Variants in INVS observed in about 807,000 individuals in gnomAD.
INVS encodes inversion of embryo turning homolog.
A neutral mutation model predicts 108.8 loss-of-function variants in INVS; 86 were observed. The ratio of observed to expected loss-of-function variants is 0.79; its 90% confidence interval spans 0.66 to 0.95. INVS has a LOEUF of 0.95. Ranked by LOEUF, INVS falls within the 40% of genes least tolerant of loss-of-function variation. The pLI, the probability that INVS is intolerant of heterozygous loss-of-function variation, is 0.00. For synonymous variants in INVS, 455 were observed against 473.5 expected, an observed-to-expected ratio of 0.96 and a Z score of 0.51; for missense variants, 1,169 against 1,297.4, an observed-to-expected ratio of 0.90 and a Z score of 1.52.
chr9:100,174,103 C>A (rs1046749756), intron 3 of INVS, among the ~76,000 whole-genome samples: 3 of 152,192 alleles, frequency 2.0e-5, no homozygotes, highest in African/African-American at 7.2e-5. Context: ...GTGTTCCATA[C>A]TCATGAGAAA....
intron 16 of INVS, among the ~76,000 whole-genome samples, chr9:100,299,716 C>T (rs948326248): frequency 8.6e-5 from 13 of 150,376 alleles, no homozygotes; most frequent in Admixed American, 2.0e-4. Context: ...AAGAAAAGAA[C>T]TCCCTTTAAA....
intron 2 of INVS, among the ~76,000 whole-genome samples, chr9:100,108,855 A>G (rs1465712624): frequency 1.3e-5 from 2 of 152,224 alleles, no homozygotes; most frequent in Non-Finnish European, 2.9e-5. Context: ...TGAATGAAAC[A>G]TCATTTCAGT....
chr9:100,155,760 T>G (rs570524430), intron 3 of INVS, among the ~76,000 whole-genome samples: 3 of 152,252 alleles, frequency 2.0e-5, no homozygotes, highest in Non-Finnish European at 4.4e-5. Context: ...GTAATAATAC[T>G]GTTACTGTTA....
intron 3 of INVS, among the ~76,000 whole-genome samples, chr9:100,182,569 CACA>C (rs905500940): frequency 6.6e-5 from 10 of 152,020 alleles, no homozygotes; most frequent in African/African-American, 2.4e-4. Context: ...AAATTAAAAC[CACA>C]ACGAGATACC....
chr9:100,181,881 G>GT (rs1322563673), intron 3 of INVS, among the ~76,000 whole-genome samples: 2 of 152,128 alleles, frequency 1.3e-5, no homozygotes, highest in Admixed American at 1.3e-4. Flanking sequence ...CAAGCCTACA[G>GT]TAACCAAAAC....
chr9:100,142,197 C>G (rs1828454515), intron 3 of INVS, among the ~76,000 whole-genome samples: 1 of 152,126 alleles, frequency 6.6e-6, no homozygotes, highest in Non-Finnish European at 1.5e-5. Context: ...ATAGAGGACC[C>G]TTGTTTAGTG....
At chr9:100,236,848 T>C (rs893389660) in intron 5 of INVS, among the ~76,000 whole-genome samples, 1 of 152,174 alleles carries the variant, frequency 6.6e-6, no homozygotes, top group Non-Finnish European at 1.5e-5. Flanking sequence ...AGGGACCCAC[T>C]TGGGGAGGCA....
At chr9:100,141,946 A>C (rs1030266131) in intron 3 of INVS, among the ~76,000 whole-genome samples, 2 of 152,266 alleles carry the variant, frequency 1.3e-5, no homozygotes, top group African/African-American at 4.8e-5. Flanking sequence ...CTGTGGGAAG[A>C]GATTGATAGG....
intron 3 of INVS, among the ~76,000 whole-genome samples, chr9:100,134,043 G>A (rs1479163710): frequency 6.6e-6 from 1 of 151,982 alleles, no homozygotes; most frequent in Non-Finnish European, 1.5e-5. Flanking sequence ...CCCATCGCCC[G>A]AGCAGTATAT....
intron 12 of INVS, among the ~76,000 whole-genome samples, chr9:100,282,369 TG>T (rs1224178555): frequency 1.3e-5 from 2 of 151,898 alleles, no homozygotes; most frequent in African/African-American, 4.8e-5. Context: ...ACACTAGAGC[TG>T]TACAGGAGTT....
chr9:100,171,586 G>A (rs1461388727), intron 3 of INVS, among the ~76,000 whole-genome samples: 1 of 152,178 alleles, frequency 6.6e-6, no homozygotes, highest in Non-Finnish European at 1.5e-5. Context: ...TGAAGTGTCT[G>A]TCCTACATGG....
chr9:100,155,872 CAAATAT>C (rs1397412641), intron 3 of INVS, among the ~76,000 whole-genome samples: 1 of 152,150 alleles, frequency 6.6e-6, no homozygotes, highest in African/African-American at 2.4e-5. Context: ...AAGAAGTATA[CAAATAT>C]AAACTATTGA....
intron 3 of INVS, among the ~76,000 whole-genome samples, chr9:100,172,844 G>T (rs943384212): frequency 6.6e-6 from 1 of 152,192 alleles, no homozygotes; most frequent in African/African-American, 2.4e-5. Flanking sequence ...ATTCGACCCA[G>T]TGAGTCAGAT....
At chr9:100,227,729 A>G (rs1300426642) in intron 4 of INVS, among the ~76,000 whole-genome samples, 2 of 151,952 alleles carry the variant, frequency 1.3e-5, no homozygotes, top group Non-Finnish European at 2.9e-5. Flanking sequence ...AGACTGTGCA[A>G]AAACCACAGC....
chr9:100,182,195 A>G (rs1288809210), intron 3 of INVS, among the ~76,000 whole-genome samples: 1 of 152,224 alleles, frequency 6.6e-6, no homozygotes, highest in Non-Finnish European at 1.5e-5. Context: ...CATTCAGGAC[A>G]GAGGCATGGG....
At chr9:100,213,266 A>G (rs1830890434) in intron 3 of INVS, among the ~76,000 whole-genome samples, 1 of 152,076 alleles carries the variant, frequency 6.6e-6, no homozygotes, top group Non-Finnish European at 1.5e-5. Context: ...CAATATGATC[A>G]ACTTTAGGCT....
intron 3 of INVS, among the ~76,000 whole-genome samples, chr9:100,167,657 T>C (rs1208152275): frequency 6.6e-6 from 1 of 152,228 alleles, no homozygotes; most frequent in Non-Finnish European, 1.5e-5. Flanking sequence ...TTATCTTGCT[T>C]ATTGTCTTTT....
intron 3 of INVS, among the ~76,000 whole-genome samples, chr9:100,207,655 A>G (rs1018647853): frequency 2.0e-5 from 3 of 152,200 alleles, no homozygotes; most frequent in African/African-American, 7.2e-5. Context: ...TACTTAGATG[A>G]AAACTATGCA....
chr9:100,180,529 A>T (rs1564146983), intron 3 of INVS, among the ~76,000 whole-genome samples: 1 of 152,232 alleles, frequency 6.6e-6, no homozygotes, highest in Non-Finnish European at 1.5e-5. Flanking sequence ...GAAAATCTAG[A>T]AGAAATTGGT....
Sources: allele counts gnomAD v4.1 joint callset (sites outside exome capture counted in the v4.1 genomes callset), GRCh38; gene constraint gnomAD v4.1.1; transcripts MANE v1.5; gene names NCBI Gene and HGNC (gene_info 2026-07-23, HGNC 2026-07-21).